Variants in CLVS1 observed in about 807,000 individuals in gnomAD.
The protein encoded by CLVS1 is clavesin-1.
CLVS1 carries 10 observed loss-of-function variants against 33.1 expected under a neutral mutation model. The ratio of observed to expected loss-of-function variants is 0.30; its 90% CI spans 0.19 to 0.51. The LOEUF (loss-of-function observed/expected upper bound fraction) is 0.51. Among genes scored for constraint, CLVS1 ranks in the 20% least tolerant of loss-of-function variants. The probability of loss-of-function intolerance (pLI) is 0.97; values close to 1 mark genes in which losing one functional copy is unlikely to be tolerated. For synonymous variants in CLVS1, 163 were observed against 166.1 expected, an observed-to-expected ratio of 0.98 and a Z score of 0.14; for missense variants, 343 against 433.4, an observed-to-expected ratio of 0.79 and a Z score of 1.85.
intron 2 of CLVS1, among the ~76,000 whole-genome samples, chr8:61,222,070 C>T (rs888191948): frequency 1.9e-4 from 29 of 152,058 alleles, no homozygotes; most frequent in Admixed American, 1.3e-3. Flanking sequence ...ATTTTTCTCT[C>T]TTTTCTTCTT....
the CLVS1 span, among the ~76,000 whole-genome samples, chr8:60,980,006 A>T: frequency 6.6e-6 from 1 of 152,198 alleles, no homozygotes; most frequent in Non-Finnish European, 1.5e-5. Flanking sequence ...TCTGGTCAAC[A>T]GCGTAAGTTC....
chr8:61,113,398 G>A (rs1010357339), intron 1 of CLVS1, among the ~76,000 whole-genome samples: 15 of 152,160 alleles, frequency 9.9e-5, no homozygotes, highest in African/African-American at 3.4e-4. Flanking sequence ...CCAACCACAT[G>A]GGGAGCAAAA....
chr8:61,133,173 G>A (rs1563415244), intron 2 of CLVS1, among the ~76,000 whole-genome samples: 1 of 152,192 alleles, frequency 6.6e-6, no homozygotes, highest in African/African-American at 2.4e-5. Flanking sequence ...GAGTTAGCCT[G>A]TAGGGAAGGC....
chr8:61,280,592 C>A (rs2129593170), intron 2 of CLVS1, among the ~76,000 whole-genome samples: 1 of 152,200 alleles, frequency 6.6e-6, no homozygotes, highest in Non-Finnish European at 1.5e-5. Flanking sequence ...AATAGTAAGA[C>A]CATTAAATAT....
At chr8:60,997,689 A>T in the CLVS1 span, among the ~76,000 whole-genome samples, 30,277 of 152,066 alleles carry the variant, frequency 0.2, 3,967 homozygotes, top group African/African-American at 0.37. Flanking sequence ...TGATGAACGA[A>T]GCCAGCCAAG....
rs1024998320 is a variant in CLVS1, at chr8:61,176,621, T to A, written c.-152+44761T>A. 2.0e-5 allele frequency among the ~76,000 whole-genome samples: 3 copies of A among 152,264 alleles called. No individual in the cohort carries two copies. In the East Asian group the frequency reaches 5.8e-4, roughly 29 times the overall value. ...TCAAAAGAGTGTGCGAATCCTGCAC[T>A]GGCAACCAAGTATCCAGGTTCTGTC... On this transcript the variant is annotated intron_variant, in intron 2 of 2. Coordinates refer to the CLVS1 transcript ENST00000522621.
the CLVS1 span, among the ~76,000 whole-genome samples, chr8:60,968,925 G>C: frequency 6.6e-6 from 1 of 151,242 alleles, no homozygotes; most frequent in Non-Finnish European, 1.5e-5. Flanking sequence ...AAAAATAAAA[G>C]AAAAAGAAAA....
intron 2 of CLVS1, among the ~76,000 whole-genome samples, chr8:61,328,916 G>A (rs1811486804): frequency 6.6e-6 from 1 of 152,116 alleles, no homozygotes; most frequent in Non-Finnish European, 1.5e-5. Flanking sequence ...ATTATGAATG[G>A]CAACCCACAG....
At chr8:61,495,082 T>C (rs1804223732) in intron 5 of CLVS1, among the ~76,000 whole-genome samples, 1 of 152,200 alleles carries the variant, frequency 6.6e-6, no homozygotes, top group Non-Finnish European at 1.5e-5. Context: ...TGCCAGTACA[T>C]CTATTAGAAG....
upstream of CLVS1, among the ~76,000 whole-genome samples, chr8:61,053,571 C>A (rs1038878268): frequency 6.6e-6 from 1 of 152,152 alleles, no homozygotes; most frequent in Non-Finnish European, 1.5e-5. Context: ...GGATCCTGGC[C>A]CCTAGCTTTA....
chr8:61,316,279 G>A (rs556092421), intron 2 of CLVS1, among the ~76,000 whole-genome samples: 53 of 152,252 alleles, frequency 3.5e-4, no homozygotes, highest in African/African-American at 1.1e-3. Flanking sequence ...TTCTTAACCC[G>A]AGGATACTGA....
chr8:61,476,564 G>A (rs1817940583), intron 5 of CLVS1, among the ~76,000 whole-genome samples: 1 of 152,112 alleles, frequency 6.6e-6, no homozygotes, highest in South Asian at 2.1e-4. Context: ...AAGCAATTGT[G>A]AATGGGAGTT....
chr8:61,062,750 C>A (rs1300246271), intron 1 of CLVS1, among the ~76,000 whole-genome samples: 1 of 152,144 alleles, frequency 6.6e-6, no homozygotes, highest in East Asian at 1.9e-4. Context: ...TTATGTTGTT[C>A]TTTCTTCCAG....
At chr8:61,476,587 G>C (rs1220262445) in intron 5 of CLVS1, among the ~76,000 whole-genome samples, 9 of 152,052 alleles carry the variant, frequency 5.9e-5, no homozygotes, top group Non-Finnish European at 2.9e-5. Flanking sequence ...CTCATGATTT[G>C]GCTCTCTGTT....
chr8:61,122,801 C>CAAATAAATGACACAACATTTATAAGTCAA (rs1554537391), intron 1 of CLVS1, among the ~76,000 whole-genome samples: 6 of 146,624 alleles, frequency 4.1e-5, no homozygotes, highest in South Asian at 2.2e-4. Flanking sequence ...AGCTTCAATC[C>CAAATAAATGACACAACATTTATAAGTCAA]TTTCCCAGCT....
At chr8:61,013,001 C>G in the CLVS1 span, among the ~76,000 whole-genome samples, 2 of 152,304 alleles carry the variant, frequency 1.3e-5, no homozygotes, top group East Asian at 1.9e-4. Flanking sequence ...TGACCTCTGC[C>G]TTATTATCCC....
chr8:61,499,352 G>A, intron 5 of CLVS1, 103 bp from the exon 6 acceptor site: 1 of 719,766 alleles, frequency 1.4e-6, no homozygotes, highest in Non-Finnish European at 2.4e-6. Context: ...ATTTTTGAGT[G>A]TCTATTAAAA....
At chr8:61,274,125 G>C (rs1048287384) in intron 2 of CLVS1, 1 of 152,104 alleles carries the variant, frequency 6.6e-6, no homozygotes, top group Non-Finnish European at 1.5e-5. Flanking sequence ...ATAACATTCA[G>C]AATATTTTAA....
At chr8:61,216,050 A>G (rs1433774915) in intron 2 of CLVS1, among the ~76,000 whole-genome samples, 2 of 152,132 alleles carry the variant, frequency 1.3e-5, no homozygotes, top group Non-Finnish European at 2.9e-5. Context: ...AAAGGGGAGA[A>G]AATATCCGCT....
Sources: gnomAD v4.1 joint callset for allele counts (sites outside exome capture counted in the v4.1 genomes callset) on GRCh38, gnomAD v4.1.1 for gene constraint, MANE v1.5 for transcripts, NCBI Gene and HGNC (gene_info 2026-07-23, HGNC 2026-07-21) for gene names.